RIMS2: variants seen among roughly 807,000 people sequenced by gnomAD.
RIMS2 encodes the protein regulating synaptic membrane exocytosis protein 2.
RIMS2 carries 59 observed loss-of-function variants against 174.4 expected under a neutral mutation model. That is an observed-to-expected ratio of 0.34 (90% CI 0.27 to 0.42). RIMS2 has a LOEUF of 0.42. RIMS2 is among the 10% of genes least tolerant of loss of function. RIMS2 has a pLI of 1.00. For missense variants in RIMS2, 1,620 were observed against 1,666.3 expected, an observed-to-expected ratio of 0.97 and a Z score of 0.48; for synonymous variants, 606 against 572.5, an observed-to-expected ratio of 1.06 and a Z score of -0.84.
At chr8:103,570,197 T>C (rs1187458761) in intron 1 of RIMS2, among the ~76,000 whole-genome samples, 2 of 152,176 alleles carry the variant, frequency 1.3e-5, no homozygotes, top group Non-Finnish European at 2.9e-5. Flanking sequence ...CTATGCTGTT[T>C]TGTTGTTGTA....
At chr8:104,157,501 C>T (rs907610670) in intron 19 of RIMS2, among the ~76,000 whole-genome samples, 1 of 152,170 alleles carries the variant, frequency 6.6e-6, no homozygotes, top group Non-Finnish European at 1.5e-5. Context: ...ATCTCCACAA[C>T]TCTTTTCAGT....
At chr8:103,885,761 A>G in exon 4 of RIMS2, 1 of 1,612,990 alleles carries the variant, frequency 6.2e-7, no homozygotes, top group African/African-American at 1.3e-5. Context: ...TATGCTAAGG[A>G]TGGATCGACC....
At chr8:104,204,070 C>T (rs2099068347) in intron 19 of RIMS2, among the ~76,000 whole-genome samples, 1 of 152,178 alleles carries the variant, frequency 6.6e-6, no homozygotes, top group South Asian at 2.1e-4. Flanking sequence ...ATTCCACCCA[C>T]ATTAAAAATG....
chr8:103,786,830 G>A (rs2098448263), intron 3 of RIMS2, among the ~76,000 whole-genome samples: 1 of 152,014 alleles, frequency 6.6e-6, no homozygotes, highest in Non-Finnish European at 1.5e-5. Flanking sequence ...TATCCTTTTT[G>A]ACTTTCTGTT....
At chr8:103,613,035 A>C (rs2095421922) in intron 1 of RIMS2, among the ~76,000 whole-genome samples, 2 of 152,170 alleles carry the variant, frequency 1.3e-5, no homozygotes, top group Admixed American at 1.3e-4. Flanking sequence ...GTCTTACTTA[A>C]GTCCCTGGTT....
Position 103,587,448 on chromosome 8 carries a change from GAAAGAAAGAAAGAAAGAAAGA to G in RIMS2, c.176+86389_176+86409del, listed in dbSNP as rs1208107529. On this transcript the variant is annotated intron_variant, in intron 1 of 23. Transcript: ENST00000504942. ...AGAAAGAAAGAAAGAAAGAAAGAAA[GAAAGAAAGAAAGAAAGAAAGA>G]AACTATGCACCAATATTTCTGATGA... is the stretch of plus-strand genomic sequence containing the variant. 7.0e-3 allele frequency among the ~76,000 whole-genome samples: 886 copies of G among 125,826 alleles called. 12 individuals are homozygous for G. Among genetic ancestry groups the G allele is most frequent in the African/African-American group, 0.024 (812 of 33,970 alleles). The allele number at this position is 125,826 out of a possible 152,430, so 82.5% of individuals were successfully genotyped here.
At position 103,830,855 on chromosome 8, in the gene RIMS2, C is replaced by T. The variant is rs571538900; in HGVS notation, c.699-54443C>T. 2.6e-5 allele frequency among the ~76,000 whole-genome samples: 4 copies of T among 152,304 alleles called. No homozygotes were observed. In the East Asian group the frequency reaches 7.7e-4, roughly 29 times the overall value. On this transcript the variant is annotated intron_variant, in intron 3 of 23. Transcript: ENST00000504942. The stretch of plus-strand genomic sequence containing the variant: ...ACAAGGTCTTGCTCTGTTGCTCAGG[C>T]TGCAGTGCAGTAGTGCAGCCTTGGC...
At chr8:104,223,383 C>A (rs2099165457) in intron 19 of RIMS2, 3 of 1,241,466 alleles carry the variant, frequency 2.4e-6, no homozygotes. Flanking sequence ...CCGGGCGAGA[C>A]CTCGGACGTT....
At chr8:103,788,350 C>T (rs2098463518) in intron 3 of RIMS2, among the ~76,000 whole-genome samples, 1 of 147,418 alleles carries the variant, frequency 6.8e-6, no homozygotes, top group Non-Finnish European at 1.5e-5. Context: ...AGGCACTCTG[C>T]TTTTTAGAGT....
At chr8:103,974,327 A>C (rs1293033520) in intron 15 of RIMS2, among the ~76,000 whole-genome samples, 1 of 152,188 alleles carries the variant, frequency 6.6e-6, no homozygotes, top group Non-Finnish European at 1.5e-5. Flanking sequence ...ACTTTTTTAA[A>C]GTGCATAGCA....
rs1359545130 is a variant in RIMS2, at chr8:103,569,616, A to AT, written c.176+68564dup. Reference sequence around the variant, plus strand: ...GTACCTCAGTATTTTTTTCTTTTTGATTTTTTTTTTGTTTAAAGATACAGG... The same window carrying AT: ...GTACCTCAGTATTTTTTTCTTTTTGATTTTTTTTTTTGTTTAAAGATACAGG... On this transcript the variant is annotated intron_variant, in intron 1 of 23. Coordinates refer to ENST00000504942, the Ensembl canonical transcript of RIMS2. Among the ~76,000 whole-genome samples, 1,217 of 146,620 alleles carry AT rather than the reference A, an allele frequency of 8.3e-3. 16 individuals carry two copies. The highest frequency in any genetic ancestry group is 0.027 in the African/African-American group (1,073 of 39,906).
At chr8:103,574,918 A>G (rs939175086) in intron 1 of RIMS2, among the ~76,000 whole-genome samples, 4 of 152,334 alleles carry the variant, frequency 2.6e-5, no homozygotes, top group East Asian at 1.9e-4. Context: ...ACTTTTAACC[A>G]TATTACAATG....
At chr8:104,129,791 G>A (rs2098459900) in intron 19 of RIMS2, among the ~76,000 whole-genome samples, 1 of 152,222 alleles carries the variant, frequency 6.6e-6, no homozygotes, top group Non-Finnish European at 1.5e-5. Context: ...TAGGTTATAA[G>A]TGACTTTGGA....
chr8:103,929,088 T>G (rs954707030), intron 11 of RIMS2, among the ~76,000 whole-genome samples: 2 of 151,742 alleles, frequency 1.3e-5, no homozygotes, highest in Non-Finnish European at 3.0e-5. Context: ...GTAATTTTGG[T>G]CAAATAATTA....
Position 103,585,670 on chromosome 8 carries a change from T to C in RIMS2, c.176+84608T>C, listed in dbSNP as rs562853028. 9.3e-5 allele frequency among the ~76,000 whole-genome samples: 14 copies of C among 149,966 alleles called. No homozygotes were observed. In the South Asian group the frequency reaches 1.5e-3, roughly 16 times the overall value. ...CACCACATGTTCTCATAAGTGGGAG[T>C]TGAACAATGAAAATGCATGAACACA... is the stretch of plus-strand genomic sequence containing the variant. On this transcript the variant is annotated intron_variant, in intron 1 of 23. Coordinates refer to ENST00000504942, the Ensembl canonical transcript of RIMS2.
At chr8:103,992,158 G>C (rs1011172335) in intron 17 of RIMS2, among the ~76,000 whole-genome samples, 1 of 152,080 alleles carries the variant, frequency 6.6e-6, no homozygotes, top group African/African-American at 2.4e-5. Context: ...ACCCAGGCTG[G>C]AGTTCAATGG....
intron 19 of RIMS2, among the ~76,000 whole-genome samples, chr8:104,216,649 T>C (rs995429131): frequency 5.9e-5 from 9 of 152,150 alleles, no homozygotes; most frequent in Non-Finnish European, 1.0e-4. Context: ...ATCTCCCTCA[T>C]AGGATTGTGT....
intron 1 of RIMS2, among the ~76,000 whole-genome samples, chr8:103,524,280 G>A (rs1832976952): frequency 6.6e-6 from 1 of 152,014 alleles, no homozygotes. Flanking sequence ...TGAGAAAGAG[G>A]AAGAATGGAC....
At chr8:103,705,790 G>A (rs1017883662) in intron 2 of RIMS2, among the ~76,000 whole-genome samples, 1 of 148,758 alleles carries the variant, frequency 6.7e-6, no homozygotes, top group African/African-American at 2.5e-5. Flanking sequence ...ATGCATGTAT[G>A]TCTTTAAGCA....
Sources: allele counts gnomAD v4.1 joint callset (sites outside exome capture counted in the v4.1 genomes callset), GRCh38; gene constraint gnomAD v4.1.1; transcripts MANE v1.5; gene names NCBI Gene and HGNC (gene_info 2026-07-23, HGNC 2026-07-21).